EYA1: variants seen among roughly 807,000 people sequenced by gnomAD.
The protein encoded by EYA1 is EYA transcriptional coactivator and phosphatase 1.
Under a neutral mutation model 82.0 loss-of-function variants are expected in EYA1, and 16 were observed. The ratio of observed to expected loss-of-function variants is 0.20; its 90% confidence interval spans 0.13 to 0.30. The LOEUF is 0.30. Among genes scored for constraint, EYA1 ranks in the 10% least tolerant of loss-of-function variants. The probability of loss-of-function intolerance (pLI) is 1.00; values close to 1 mark genes in which losing one functional copy is unlikely to be tolerated. For synonymous variants in EYA1, 261 were observed against 264.4 expected (o/e 0.99, Z 0.12); for missense variants, 633 against 730.7 (o/e 0.87, Z 1.54).
chr8:71,343,716 A>G (rs918555586), intron 3 of EYA1, among the ~76,000 whole-genome samples: 4 of 152,226 alleles, frequency 2.6e-5, no homozygotes, highest in Non-Finnish European at 5.9e-5. Context: ...ATTCTGTCAT[A>G]AGCAACAGAA....
intron 11 of EYA1, among the ~76,000 whole-genome samples, chr8:71,249,403 C>T (rs1401523428): frequency 6.7e-6 from 1 of 149,216 alleles, no homozygotes; most frequent in East Asian, 1.9e-4. Context: ...GGGAAGCAAA[C>T]ATATTCTTCT....
intron 2 of EYA1, among the ~76,000 whole-genome samples, chr8:71,528,007 T>TA (rs1004432538): frequency 2.0e-5 from 3 of 151,086 alleles, no homozygotes; most frequent in African/African-American, 7.3e-5. Flanking sequence ...CCCTCACACA[T>TA]AAAAAAACAA....
At chr8:71,294,954 T>C (rs1819441197) in intron 9 of EYA1, among the ~76,000 whole-genome samples, 1 of 152,176 alleles carries the variant, frequency 6.6e-6, no homozygotes, top group Non-Finnish European at 1.5e-5. Flanking sequence ...AGTCAAGTGG[T>C]CTTTGACAAA....
intron 2 of EYA1, among the ~76,000 whole-genome samples, chr8:71,415,702 C>T (rs1312856340): frequency 6.6e-6 from 1 of 152,196 alleles, no homozygotes; most frequent in Non-Finnish European, 1.5e-5. Context: ...TCATTGGCTT[C>T]ACACTCTATA....
intron 1 of EYA1, among the ~76,000 whole-genome samples, chr8:71,546,557 G>A (rs1482619884): frequency 6.7e-6 from 1 of 149,022 alleles, no homozygotes; most frequent in Non-Finnish European, 1.5e-5. Flanking sequence ...CTAGACTGCA[G>A]TGGCGCAATC....
rs184489814 is a variant in EYA1, at chr8:71,220,263, C to T, written c.1141-3240G>A. 2.2e-4 allele frequency among the ~76,000 whole-genome samples: 34 copies of T among 152,252 alleles called. 2 individuals are homozygous for T. The highest frequency in any genetic ancestry group is 7.2e-4 in the African/African-American group (30 of 41,538). On this transcript the variant is annotated intron_variant, in intron 12 of 17. Coordinates refer to ENST00000340726, the MANE Select transcript of EYA1 (RefSeq NM_000503.6). The stretch of plus-strand genomic sequence containing the variant: ...GCTGAAACTGTACTTTTGAAATACA[C>T]GACCAAAATTATGTGATAGACTTTT...
At chr8:71,329,773 G>A (rs1380577615) in intron 4 of EYA1, among the ~76,000 whole-genome samples, 2 of 152,182 alleles carry the variant, frequency 1.3e-5, no homozygotes, top group African/African-American at 2.4e-5. Context: ...CAGAATCCCT[G>A]CCAACACAAG....
chr8:71,469,557 C>A (rs1809030364), intron 2 of EYA1, among the ~76,000 whole-genome samples: 1 of 151,968 alleles, frequency 6.6e-6, no homozygotes, highest in South Asian at 2.1e-4. Flanking sequence ...CAAAACCACA[C>A]TCTGTTTTCT....
At chr8:71,477,016 T>C (rs747955656) in intron 2 of EYA1, among the ~76,000 whole-genome samples, 2 of 152,090 alleles carry the variant, frequency 1.3e-5, no homozygotes, top group Non-Finnish European at 2.9e-5. Flanking sequence ...AACAATTGGA[T>C]ATCCTCATGC....
intron 9 of EYA1, among the ~76,000 whole-genome samples, chr8:71,278,468 G>T (rs1362235320): frequency 1.3e-5 from 2 of 152,154 alleles, no homozygotes; most frequent in Non-Finnish European, 2.9e-5. Context: ...TCATTTTAAA[G>T]TCATTGCTAT....
chr8:71,288,455 G>A (rs1024792448), intron 9 of EYA1, among the ~76,000 whole-genome samples: 1 of 152,174 alleles, frequency 6.6e-6, no homozygotes, highest in African/African-American at 2.4e-5. Context: ...ATGGCAGGCT[G>A]TGCTGCTTAG....
intron 12 of EYA1, among the ~76,000 whole-genome samples, chr8:71,234,753 C>T (rs563605726): frequency 1.1e-4 from 17 of 152,100 alleles, no homozygotes; most frequent in African/African-American, 2.7e-4. Context: ...AGTTTTATGG[C>T]GTCGGGACTC....
chr8:71,364,283 A>G (rs1011077587), upstream of EYA1, among the ~76,000 whole-genome samples: 2 of 151,916 alleles, frequency 1.3e-5, no homozygotes, highest in Non-Finnish European at 1.5e-5. Flanking sequence ...AATTAGATGG[A>G]TTAAAAACAA....
chr8:71,356,408 A>G, intron 2 of EYA1, 54 bp downstream of exon 2: 1 of 1,443,424 alleles, frequency 6.9e-7, no homozygotes, highest in Non-Finnish European at 9.5e-7. Flanking sequence ...AAAAATAGAT[A>G]TGGGTCACAG....
intron 2 of EYA1, among the ~76,000 whole-genome samples, chr8:71,510,133 T>A (rs1371068476): frequency 6.6e-6 from 1 of 152,110 alleles, no homozygotes; most frequent in Non-Finnish European, 1.5e-5. Flanking sequence ...TTAGCAAACA[T>A]GATACTAGCA....
intron 2 of EYA1, among the ~76,000 whole-genome samples, chr8:71,424,150 A>G (rs1831294360): frequency 6.6e-6 from 1 of 152,214 alleles, no homozygotes; most frequent in Admixed American, 6.5e-5. Context: ...CTGCAACACC[A>G]CCTATACCAG....
intron 1 of EYA1, among the ~76,000 whole-genome samples, chr8:71,543,963 G>A (rs2129293826): frequency 6.6e-6 from 1 of 152,248 alleles, no homozygotes; most frequent in Non-Finnish European, 1.5e-5. Context: ...TTTCCTGGAT[G>A]CTGACTCTTA....
chr8:71,466,404 G>A (rs1001076679), intron 2 of EYA1, among the ~76,000 whole-genome samples: 3 of 152,142 alleles, frequency 2.0e-5, no homozygotes, highest in Non-Finnish European at 4.4e-5. Context: ...AGTAGTAGTA[G>A]AAGAGAATAG....
intron 9 of EYA1, among the ~76,000 whole-genome samples, chr8:71,292,008 A>AT (rs1819052914): frequency 1.3e-5 from 2 of 152,164 alleles, no homozygotes; most frequent in Non-Finnish European, 2.9e-5. Flanking sequence ...TAATTGGATT[A>AT]TAGATGATTG....
Sources: gnomAD v4.1 joint callset for allele counts (sites outside exome capture counted in the v4.1 genomes callset) on GRCh38, gnomAD v4.1.1 for gene constraint, MANE v1.5 for transcripts, NCBI Gene and HGNC (gene_info 2026-07-23, HGNC 2026-07-21) for gene names.